The following MAPK3 variants were observed in gnomAD, a reference collection of about 807,000 sequenced individuals.
The protein encoded by MAPK3 is mitogen-activated protein kinase 3.
In MAPK3, 30 loss-of-function variants were observed where a neutral mutation model predicts 41.8. That is an observed-to-expected ratio of 0.72 (90% CI 0.54 to 0.97). The LOEUF is 0.97. MAPK3 is among the 50% of genes least tolerant of loss of function. The pLI is 0.00. For missense variants in MAPK3, 413 were observed against 509.9 expected, an observed-to-expected ratio of 0.81 and a Z score of 1.83; for synonymous variants, 222 against 213.4, an observed-to-expected ratio of 1.04 and a Z score of -0.35.
intron 5 of MAPK3, 111 bp from the exon 6 acceptor site, chr16:30,117,396 C>T: frequency 9.3e-7 from 1 of 1,078,294 alleles, no homozygotes; most frequent in Non-Finnish European, 1.4e-6. Flanking sequence ...GCCAATCCCT[C>T]AGTCACCTCC....
At chr16:30,118,296 A>C (rs553442331) in intron 3 of MAPK3, 53 bp downstream of exon 3, 194 of 1,585,512 alleles carry the variant, frequency 1.2e-4, no homozygotes, top group Non-Finnish European at 1.6e-4. Flanking sequence ...TCTACTGGTC[A>C]CTGGAAGCCC....
rs907372115 is a variant in MAPK3, at chr16:30,123,183, G to A, written c.27C>T (p.Gly9=). ...CGGTTCTACGGGGCTCCCCGCCCCC[G>A]CCCCCCTGAGCCGCCGCCGCCGCCA... MAAAAAQG[G]GGGEPRRTEG... Residue 9 remains glycine, a synonymous_variant, in exon 1 of 9, where the codon GGC becomes GGT. Transcript: ENST00000263025. 8.0e-6 allele frequency: 4 copies of A among 500,926 alleles called. No homozygotes were observed. The highest frequency in any genetic ancestry group is 6.8e-5 in the Admixed American group (1 of 14,778). 31.0% of individuals were successfully genotyped at this position (500,926 alleles called of 1,614,324 possible).
chr16:30,121,162 G>A (rs1031573448), intron 2 of MAPK3, among the ~76,000 whole-genome samples: 8 of 152,148 alleles, frequency 5.3e-5, no homozygotes, highest in African/African-American at 1.9e-4. Context: ...AGGCTGGAGT[G>A]CAGTGGCACG....
chr16:30,122,936 A>C, intron 1 of MAPK3, 104 bp downstream of exon 1: 15 of 1,032,818 alleles, frequency 1.5e-5, no homozygotes, highest in East Asian at 1.0e-4. Context: ...CCTCCTCGGG[A>C]CGCTCCGCGT....
In MAPK3 at chr16:30,121,933, A is replaced by G. The variant is rs756613927; in HGVS notation, c.244T>C (p.Cys82Arg). ...TGGATCTCCCGGAGCGTGCGCTGGC[A>G]GTAGGTCTGATGTTCGAAGGGGCTG... Reference protein sequence around the residue: ...KISPFEHQTYCQRTLREIQIL... With the variant: ...KISPFEHQTYRQRTLREIQIL... The change falls in exon 2 of 9, where the codon TGC (cysteine) becomes CGC (arginine). Residue 82 changes from cysteine (C) to arginine (R), a missense_variant. Around this residue, in one of 4 missense-constraint regions of MAPK3, gnomAD observed 145 missense variants for 133.0 expected, o/e 1.09. Transcript: ENST00000263025. 6 of 1,614,168 alleles carry G rather than the reference A, an allele frequency of 3.7e-6. No individual in the cohort carries two copies. The highest frequency in any genetic ancestry group is 4.2e-6 in the Non-Finnish European group (5 of 1,180,038).
chr16:30,116,841 G>A lies in MAPK3; in HGVS notation c.1018-51C>T, dbSNP rs61764219. ...CAGGCCTGGCATGGGGGATGCCTAC[G>A]TGCCCCCCTGCTCCCCTGCCCCCAG... On this transcript the variant is annotated intron_variant, in intron 7 of 8. Coordinates refer to ENST00000263025, the MANE Select transcript of MAPK3 (RefSeq NM_002746.3). The A allele has an allele frequency of 5.0e-6, 8 of 1,613,284 alleles. No homozygotes were observed. The African/African-American group carries it at 6.7e-5, about 13-fold the overall frequency.
At chr16:30,120,806 C>G (rs547328607) in intron 2 of MAPK3, among the ~76,000 whole-genome samples, 90 of 151,654 alleles carry the variant, frequency 5.9e-4, no homozygotes, top group African/African-American at 2.1e-3. Context: ...GCCTCAGCCT[C>G]CCAAGTAGCT....
chr16:30,118,878 C>A (rs566535549), intron 2 of MAPK3, among the ~76,000 whole-genome samples: 1 of 152,076 alleles, frequency 6.6e-6, no homozygotes, highest in Admixed American at 6.6e-5. Context: ...GTGGCTCACA[C>A]CTGTAATCCC....
intron 2 of MAPK3, among the ~76,000 whole-genome samples, chr16:30,119,113 G>A (rs559880947): frequency 6.6e-6 from 1 of 150,802 alleles, no homozygotes; most frequent in Non-Finnish European, 1.5e-5. Context: ...CTGCACTGCA[G>A]CCCGGATGAC....
Position 30,117,035 on chromosome 16 carries a change from GAAGA to G in MAPK3, c.908-36_908-33del, listed in dbSNP as rs2072963926. On this transcript the variant is annotated intron_variant, in intron 6 of 8. Coordinates refer to ENST00000263025, the MANE Select transcript of MAPK3 (RefSeq NM_002746.3). ...AAGGGCAGGAGTCAGGGGTCACAGGGAAGACTGGAGGAGCTCCGAGAAGCATTGC... is the reference window on the plus strand; with the variant it reads ...AAGGGCAGGAGTCAGGGGTCACAGGGCTGGAGGAGCTCCGAGAAGCATTGC... 3 of 1,593,044 alleles carry G rather than the reference GAAGA, an allele frequency of 1.9e-6. No homozygotes were observed. In the Middle Eastern group the frequency reaches 5.0e-4, roughly 268 times the overall value.
intron 1 of MAPK3, chr16:30,122,834 T>G: frequency 2.2e-6 from 1 of 458,014 alleles, no homozygotes; most frequent in South Asian, 3.6e-5. Context: ...CCTCCAAGCC[T>G]GCTCCCCTGA....
chr16:30,122,053 A>T, intron 1 of MAPK3, 47 bp from the exon 2 acceptor site: 2 of 1,601,546 alleles, frequency 1.2e-6, no homozygotes, highest in Non-Finnish European at 1.7e-6. Flanking sequence ...ACAAAGGGGG[A>T]GTCCGGGCCT....
At chr16:30,117,068 G>A in intron 6 of MAPK3, 65 bp from the exon 7 acceptor site, 4 of 1,597,784 alleles carry the variant, frequency 2.5e-6, no homozygotes, top group Non-Finnish European at 2.6e-6. Context: ...GCATTGCTTT[G>A]CCTGTCTCCT....
chr16:30,121,855 G>A lies in MAPK3; in HGVS notation c.322C>T (p.Arg108Trp), dbSNP rs1414402131. The A allele has an allele frequency of 6.2e-7, 1 of 1,614,020 alleles. No homozygotes were observed. The highest frequency in any genetic ancestry group is 8.5e-7 in the Non-Finnish European group (1 of 1,180,030). The change falls in exon 2 of 9, where the codon CGG (arginine) becomes TGG (tryptophan). Residue 108 changes from arginine (R) to tryptophan (W), a missense_variant. Arg to Trp is a moderately radical substitution (Grantham distance 101). Around this residue, in one of 4 missense-constraint regions of MAPK3, gnomAD observed 140 missense variants for 206.0 expected, o/e 0.68. Coordinates refer to ENST00000263025, the MANE Select transcript of MAPK3 (RefSeq NM_002746.3). ...ENVIGIRDILRASTLEAMRDV... is the reference protein window; with the variant it reads ...ENVIGIRDILWASTLEAMRDV... ...CTCATGGCTTCCAGGGTGGACGCCC[G>A]CAGAATGTCTCGGATGCCGATGACA...
At position 30,116,768 on chromosome 16, in the gene MAPK3, G is replaced by A. The variant is rs2072958196; in HGVS notation, c.1040C>T (p.Thr347Ile). 3.1e-6 allele frequency: 5 copies of A among 1,613,964 alleles called. No homozygotes were observed. The highest frequency in any genetic ancestry group is 4.2e-6 in the Non-Finnish European group (5 of 1,179,996). Residue 347 changes from threonine (T) to isoleucine (I), a missense_variant, in exon 8 of 9, where the codon ACC (threonine) becomes ATC (isoleucine). Thr to Ile is a moderately conservative substitution (Grantham distance 89, BLOSUM62 -1). Transcript: ENST00000263025. The stretch of plus-strand genomic sequence containing the variant: ...TAGGTCATCCAGCTCCATGGCGAAG[G>A]TGAAGGGCTCCTCGGCCACTGGCTG... Reference protein sequence around the residue: ...TDEPVAEEPFTFAMELDDLPK... With the variant: ...TDEPVAEEPFIFAMELDDLPK...
chr16:30,121,766 T>A, intron 2 of MAPK3, 58 bp downstream of exon 2: 3 of 1,540,950 alleles, frequency 1.9e-6, no homozygotes, highest in Non-Finnish European at 2.7e-6. Context: ...AAGCAACGGG[T>A]CCCCAGCCCA....
rs778192562 is a variant in MAPK3 at position 30,121,940 on chromosome 16, C to G, written c.237G>C (p.Gln79His). 1 of 1,614,046 alleles carries G rather than the reference C, an allele frequency of 6.2e-7. No homozygotes were observed. The highest frequency in any genetic ancestry group is 8.5e-7 in the Non-Finnish European group (1 of 1,180,040). ...CCCGGAGCGTGCGCTGGCAGTAGGTCTGATGTTCGAAGGGGCTGATCTTCT... is the reference window on the plus strand; with the variant it reads ...CCCGGAGCGTGCGCTGGCAGTAGGTGTGATGTTCGAAGGGGCTGATCTTCT... ...AIKKISPFEH[Q>H]TYCQRTLREI... Residue 79 changes from glutamine to histidine, a missense_variant, in exon 2 of 9, where the codon CAG (glutamine) becomes CAC (histidine). This residue lies in a region of MAPK3 where 145 missense variants were observed against 133.0 expected (regional missense o/e 1.09). Coordinates refer to ENST00000263025, the MANE Select transcript of MAPK3 (RefSeq NM_002746.3).
intron 1 of MAPK3, 48 bp downstream of exon 1, chr16:30,122,992 G>T: frequency 7.3e-7 from 1 of 1,373,108 alleles, no homozygotes; most frequent in Non-Finnish European, 9.6e-7. Context: ...CCTCTCCCGC[G>T]AAGCCCCCTC....
At position 30,116,804 on chromosome 16, in the gene MAPK3, G is replaced by C. The variant is rs781461891; in HGVS notation, c.1018-14C>G. 6.2e-7 allele frequency: 1 copy of C among 1,613,792 alleles called. No homozygotes were observed. Among genetic ancestry groups the C allele is most frequent in the Non-Finnish European group, 8.5e-7 (1 of 1,179,962 alleles). Reference sequence around the variant, plus strand: ...CTCGGCCACTGGCTGGGGTGGTAGAGACAGCAAGGCTCAGGCCTGGCATGG... The same window carrying C: ...CTCGGCCACTGGCTGGGGTGGTAGACACAGCAAGGCTCAGGCCTGGCATGG... On this transcript the variant is annotated splice_polypyrimidine_tract_variant and intron_variant, in intron 7 of 8. Transcript: ENST00000263025.
Sources: gnomAD v4.1 joint callset for allele counts (sites outside exome capture counted in the v4.1 genomes callset) on GRCh38, gnomAD v4.1.1 for gene constraint, gnomAD v4.1.1 regional missense constraint, MANE v1.5 for transcripts, NCBI Gene and HGNC (gene_info 2026-07-23, HGNC 2026-07-21) for gene names.